ZZZ3: variants seen among roughly 807,000 people sequenced by gnomAD.
ZZZ3 encodes the protein ZZ-type zinc finger-containing protein 3.
Under a neutral mutation model 95.2 loss-of-function variants are expected in ZZZ3, and 22 were observed. The ratio of observed to expected loss-of-function variants is 0.23; its 90% CI spans 0.17 to 0.33. ZZZ3 has a LOEUF of 0.33. Ranked by LOEUF, ZZZ3 falls within the 10% of genes least tolerant of loss-of-function variation. The pLI is 1.00. For missense variants in ZZZ3, 885 were observed against 1,066.5 expected (o/e 0.83, Z 2.37); for synonymous variants, 335 against 358.9 (o/e 0.93, Z 0.75).
intron 5 of ZZZ3, among the ~76,000 whole-genome samples, chr1:77,609,625 G>C (rs376842187): frequency 9.9e-5 from 15 of 152,132 alleles, no homozygotes; most frequent in East Asian, 3.9e-4. Flanking sequence ...TTTGAGGACA[G>C]AATATGTTAG....
At chr1:77,659,808 A>G (rs866459803) in intron 1 of ZZZ3, among the ~76,000 whole-genome samples, 14 of 150,242 alleles carry the variant, frequency 9.3e-5, no homozygotes, top group Admixed American at 8.0e-4. Context: ...GGGAAGGCAG[A>G]GCTCAGTTGT....
intron 1 of ZZZ3, among the ~76,000 whole-genome samples, chr1:77,647,833 A>G (rs1267211041): frequency 6.6e-6 from 1 of 152,192 alleles, no homozygotes; most frequent in Non-Finnish European, 1.5e-5. Context: ...TTTGTGGGAC[A>G]TGAAGTACAA....
chr1:77,674,992 T>C (rs896555214), intron 1 of ZZZ3, among the ~76,000 whole-genome samples: 38 of 145,036 alleles, frequency 2.6e-4, no homozygotes, highest in African/African-American at 8.4e-4. Flanking sequence ...AAAAACACCA[T>C]AAAAATCTAC....
intron 5 of ZZZ3, among the ~76,000 whole-genome samples, chr1:77,593,355 T>C (rs1203895818): frequency 6.6e-6 from 1 of 152,192 alleles, no homozygotes; most frequent in Non-Finnish European, 1.5e-5. Context: ...CTAATACTAA[T>C]GCTTAATATA....
chr1:77,673,036 G>A (rs1331778019), intron 1 of ZZZ3, among the ~76,000 whole-genome samples: 7 of 152,016 alleles, frequency 4.6e-5, no homozygotes, highest in Non-Finnish European at 7.4e-5. Flanking sequence ...AAGTATACAC[G>A]TCACTCTTAA....
chr1:77,592,600 C>A (rs574964830), intron 5 of ZZZ3, among the ~76,000 whole-genome samples: 7 of 152,140 alleles, frequency 4.6e-5, no homozygotes, highest in Admixed American at 4.6e-4. Context: ...CCGTGCCCAG[C>A]CTGCTCACAT....
chr1:77,566,201 A>G lies in ZZZ3; in HGVS notation c.2467-20T>C. ...ATCACACTATAACAGATTCAGAGAG[A>G]AAATGTATTAAGTTATACTGTTCCA... On this transcript the variant is annotated intron_variant, in intron 13 of 14. Transcript: ENST00000370801. The G allele has an allele frequency of 6.5e-7, 1 of 1,541,578 alleles. No homozygotes were observed. Among genetic ancestry groups the G allele is most frequent in the Non-Finnish European group, 8.9e-7 (1 of 1,122,168 alleles).
intron 6 of ZZZ3, among the ~76,000 whole-genome samples, chr1:77,582,533 T>TA (rs1179890529): frequency 6.6e-6 from 1 of 152,046 alleles, no homozygotes; most frequent in East Asian, 1.9e-4. Context: ...ACATAACTAA[T>TA]ATGATAAACC....
At chr1:77,674,241 A>G (rs1672052201) in intron 1 of ZZZ3, among the ~76,000 whole-genome samples, 1 of 152,238 alleles carries the variant, frequency 6.6e-6, no homozygotes, top group African/African-American at 2.4e-5. Flanking sequence ...ATCTCAAGGT[A>G]CAAATCAGGT....
intron 1 of ZZZ3, among the ~76,000 whole-genome samples, chr1:77,674,146 A>C (rs541550502): frequency 6.6e-6 from 1 of 152,326 alleles, no homozygotes; most frequent in East Asian, 1.9e-4. Flanking sequence ...ACAGAGTTTA[A>C]AACAAAGAAG....
chr1:77,588,318 C>T (rs895132383), intron 5 of ZZZ3, among the ~76,000 whole-genome samples: 2 of 152,112 alleles, frequency 1.3e-5, no homozygotes, highest in Non-Finnish European at 2.9e-5. Context: ...TTAAGTAACT[C>T]CCCAAGATCA....
At chr1:77,600,876 T>G (rs903527379) in intron 5 of ZZZ3, among the ~76,000 whole-genome samples, 2 of 152,180 alleles carry the variant, frequency 1.3e-5, no homozygotes, top group Non-Finnish European at 2.9e-5. Context: ...AATTACACAG[T>G]GCTCTATAAA....
chr1:77,632,935 G>T lies in ZZZ3; in HGVS notation c.420C>A (p.Asp140Glu), dbSNP rs777481449. The change falls in exon 5 of 15, where the codon GAC (aspartate) becomes GAA (glutamate). Residue 140 changes from aspartate (D) to glutamate (E), a missense_variant. This residue lies in a region of ZZZ3 where 556 missense variants were observed against 652.9 expected (regional missense o/e 0.85). Transcript: ENST00000370801. ...SSEEDSPIKS[D>E]KESVEQRSTV... ...TACTCCTCTGTTCTACTGACTCCTT[G>T]TCTGATTTTATAGGAGAATCTTCTT... The T allele has an allele frequency of 1.9e-6, 3 of 1,614,036 alleles. No individual in the cohort carries two copies. The highest frequency in any genetic ancestry group is 2.5e-6 in the Non-Finnish European group (3 of 1,180,012).
At chr1:77,618,984 C>T (rs1471184004) in intron 5 of ZZZ3, among the ~76,000 whole-genome samples, 2 of 152,100 alleles carry the variant, frequency 1.3e-5, no homozygotes, top group Non-Finnish European at 1.5e-5. Context: ...TGAGTTTTCT[C>T]TCTTAAAATA....
chr1:77,583,098 T>A (rs577707569), intron 6 of ZZZ3, among the ~76,000 whole-genome samples: 3 of 151,110 alleles, frequency 2.0e-5, no homozygotes, highest in African/African-American at 7.3e-5. Flanking sequence ...CCTAGTGAGA[T>A]TCCATCTCAA....
At chr1:77,576,493 A>T (rs1415493112) in intron 11 of ZZZ3, among the ~76,000 whole-genome samples, 1 of 152,196 alleles carries the variant, frequency 6.6e-6, no homozygotes, top group Non-Finnish European at 1.5e-5. Context: ...CCCAGCATTT[A>T]TCATACTCTT....
rs1471211495 is a variant in ZZZ3, at chr1:77,607,356, T to C, written c.1506-22701A>G. 2.0e-5 allele frequency among the ~76,000 whole-genome samples: 3 copies of C among 152,254 alleles called. No homozygotes were observed. In the East Asian group the frequency reaches 5.8e-4, roughly 29 times the overall value. Reference sequence around the variant, plus strand: ...TCCACCTGGCCCTGCCCTTGACACATGGGGATTATTACAATTCAAGGTGAG... The same window carrying C: ...TCCACCTGGCCCTGCCCTTGACACACGGGGATTATTACAATTCAAGGTGAG... On this transcript the variant is annotated intron_variant, in intron 5 of 14. Coordinates refer to ENST00000370801, the MANE Select transcript of ZZZ3 (RefSeq NM_015534.6).
At chr1:77,582,158 TAA>T (rs777297692) in intron 6 of ZZZ3, 32 bp from the exon 7 acceptor site, 1 of 1,560,446 alleles carries the variant, frequency 6.4e-7, no homozygotes, top group African/African-American at 1.4e-5. Flanking sequence ...CAAAATAAAG[TAA>T]AAGTCTAAAT....
At chr1:77,646,383 G>A (rs561029311) in intron 1 of ZZZ3, among the ~76,000 whole-genome samples, 5 of 152,042 alleles carry the variant, frequency 3.3e-5, no homozygotes, top group African/African-American at 1.2e-4. Context: ...ACTACGCCCA[G>A]CTAATTTTTG....
Sources: gnomAD v4.1 joint callset for allele counts (sites outside exome capture counted in the v4.1 genomes callset) on GRCh38, gnomAD v4.1.1 for gene constraint, gnomAD v4.1.1 regional missense constraint, MANE v1.5 for transcripts, NCBI Gene and HGNC (gene_info 2026-07-23, HGNC 2026-07-21) for gene names.